The following TRO variants were observed in gnomAD, a reference collection of about 807,000 sequenced individuals.
TRO encodes the protein trophinin, also known as MAGE superfamily protein.
A neutral mutation model predicts 42.3 loss-of-function variants in TRO; 29 were observed. The ratio of observed to expected loss-of-function variants is 0.68; its 90% CI spans 0.51 to 0.93. TRO has a LOEUF of 0.93. TRO is among the 40% of genes least tolerant of loss of function. TRO has a pLI of 0.00. For synonymous variants in TRO, 384 were observed against 425.2 expected, an observed-to-expected ratio of 0.90 and a Z score of 1.19; for missense variants, 963 against 1,127.7, an observed-to-expected ratio of 0.85 and a Z score of 2.09.
In TRO at chrX:54,929,078, C is replaced by T. The variant is rs1326239805; in HGVS notation, c.2354C>T (p.Ser785Phe). The T allele has an allele frequency of 8.2e-7, 1 of 1,212,237 alleles. No homozygotes were observed. The highest frequency in any genetic ancestry group is 1.1e-6 in the Non-Finnish European group (1 of 895,616). ...TTTGGTGGTACACTGAGCACTAGCT[C>T]CAGCTTCAGCAGCGCAGCCAGCATT... ...ISFGGTLSTS[S>F]SFSSAASISF... The change falls in exon 12 of 13, where the codon TCC (serine) becomes TTC (phenylalanine). Residue 785 changes from serine (S) to phenylalanine (F), a missense_variant. Around this residue, in one of 2 missense-constraint regions of TRO, gnomAD observed 641 missense variants for 811.3 expected, o/e 0.79. Transcript: ENST00000173898.
At chrX:54,927,983 A>C (rs1416022493) in intron 11 of TRO, among the ~76,000 whole-genome samples, 1 of 112,905 alleles carries the variant, frequency 8.9e-6, no homozygotes, top group Non-Finnish European at 1.9e-5. Flanking sequence ...ATTAATCAGC[A>C]TGGGCTGCCA....
rs763563163 is a variant in TRO, at chrX:54,923,415, A to T, written c.883A>T (p.Ile295Phe). 12 of 1,198,829 alleles carry T rather than the reference A, an allele frequency of 1.0e-5. No homozygotes were observed. The highest frequency in any genetic ancestry group is 4.6e-4 in the Middle Eastern group (2 of 4,325). Residue 295 changes from isoleucine to phenylalanine, a missense_variant, in exon 3 of 13, where the codon ATC becomes TTC. Physicochemically the swap from Ile to Phe is conservative, Grantham distance 21. This residue lies in a region of TRO where 322 missense variants were observed against 316.5 expected (regional missense o/e 1.02). Coordinates refer to ENST00000173898, the MANE Select transcript of TRO (RefSeq NM_001039705.3). The part of the protein sequence containing the change: ...TRQIEASVVA[I>F]RPKKSKGKKA... ...GCAGATTGAGGCCTCAGTAGTGGCTATCAGGCCCAAAAAATCCAAGGGCAA... is the reference window on the plus strand; with the variant it reads ...GCAGATTGAGGCCTCAGTAGTGGCTTTCAGGCCCAAAAAATCCAAGGGCAA...
chrX:54,923,417 C>G lies in TRO; in HGVS notation c.885C>G (p.Ile295Met), dbSNP rs367828115. 7.5e-6 allele frequency: 9 copies of G among 1,197,366 alleles called. No homozygotes were observed. The African/African-American group carries it at 1.6e-4, about 21-fold the overall frequency. ...TRQIEASVVA[I>M]RPKKSKGKKA... ...AGATTGAGGCCTCAGTAGTGGCTAT[C>G]AGGCCCAAAAAATCCAAGGGCAAGA... The change falls in exon 3 of 13, where the codon ATC (isoleucine) becomes ATG (methionine). Residue 295 changes from isoleucine to methionine, a missense_variant. Transcript: ENST00000173898.
rs1223889154 is a variant in TRO at position 54,928,593 on chromosome X, C to T, written c.1879-10C>T. On this transcript the variant is annotated splice_polypyrimidine_tract_variant and intron_variant, in intron 11 of 12. Coordinates refer to ENST00000173898, the MANE Select transcript of TRO (RefSeq NM_001039705.3). ...TTGTTTTCTTATTATGATTATCATC[C>T]CCATTTCAGGTGCAGAAGAAAGACC... 1.1e-5 allele frequency: 12 copies of T among 1,139,065 alleles called. No homozygotes were observed. The highest frequency in any genetic ancestry group is 4.4e-5 in the South Asian group (2 of 45,761). 93.9% of individuals were successfully genotyped at this position (1,139,065 alleles called of 1,213,427 possible).
At position 54,927,112 on chromosome X, in the gene TRO, G is replaced by C; in HGVS notation, c.1763+7G>C. 8.3e-7 allele frequency: 1 copy of C among 1,211,287 alleles called. No homozygotes were observed. On this transcript the variant is annotated splice_region_variant and intron_variant, in intron 10 of 12. Transcript: ENST00000173898. ...ACGAGTTTGTGAAGCAGAAGTAAGTGGTGTTTGGGGCTTTGTCTGGCCCTG... is the reference window on the plus strand; with the variant it reads ...ACGAGTTTGTGAAGCAGAAGTAAGTCGTGTTTGGGGCTTTGTCTGGCCCTG...
At position 54,930,137 on chromosome X, in the gene TRO, G is replaced by A. The variant is rs375009132; in HGVS notation, c.3413G>A (p.Ser1138Asn). Residue 1138 changes from serine to asparagine, a missense_variant, in exon 12 of 13, where the codon AGC (serine) becomes AAC (asparagine). Transcript: ENST00000173898. ...GGTGCTGCTCCCAGCACCAGTGTCA[G>A]CTTTGGTGGTGCTCATGGCACCAGC... Reference protein sequence around the residue: ...GFGAAPSTSVSFGGAHGTSLC... With the variant: ...GFGAAPSTSVNFGGAHGTSLC... 98 of 1,210,248 alleles carry A rather than the reference G, an allele frequency of 8.1e-5. No individual in the cohort carries two copies. Among genetic ancestry groups the A allele is most frequent in the Admixed American group, 2.4e-4 (11 of 45,923 alleles).
rs773140897 is a variant in TRO, at chrX:54,930,025, G to A, written c.3301G>A (p.Gly1101Ser). The A allele has an allele frequency of 4.1e-6, 5 of 1,211,805 alleles. No individual in the cohort carries two copies. The highest frequency in any genetic ancestry group is 1.8e-5 in the South Asian group (1 of 57,004). The change falls in exon 12 of 13, where the codon GGT becomes AGT. Residue 1101 changes from glycine to serine, a missense_variant. By Grantham distance (56) the Gly-to-Ser change is moderately conservative. This residue lies in a region of TRO where 641 missense variants were observed against 811.3 expected (regional missense o/e 0.79). Coordinates refer to ENST00000173898, the MANE Select transcript of TRO (RefSeq NM_001039705.3). ...GAPITNPGFG[G>S]AFSTSAGFGG... ...ACCAATCACCAACCCTGGCTTTGGC[G>A]GTGCATTTAGCACCAGTGCTGGCTT... is the stretch of plus-strand genomic sequence containing the variant.
Position 54,930,938 on chromosome X carries a change from G to C in TRO, c.4214G>C (p.Gly1405Ala). Residue 1405 changes from glycine (G) to alanine (A), a missense_variant, in exon 12 of 13, where the codon GGC (glycine) becomes GCC (alanine). Physicochemically the swap from Gly to Ala is moderately conservative, Grantham distance 60. This residue lies in a region of TRO where 641 missense variants were observed against 811.3 expected (regional missense o/e 0.79). Transcript: ENST00000173898. The stretch of plus-strand genomic sequence containing the variant: ...GGCGGTGGACCAAACACTGGTGCTG[G>C]CTTTGGTGGTGGACCGAGCACCAGT... Reference protein sequence around the residue: ...GFGGGPNTGAGFGGGPSTSAG... With the variant: ...GFGGGPNTGAAFGGGPSTSAG... 8.3e-7 allele frequency: 1 copy of C among 1,210,689 alleles called. No homozygotes were observed. The highest frequency in any genetic ancestry group is 1.7e-5 in the African/African-American group (1 of 57,825).
Position 54,926,604 on chromosome X carries a change from G to A in TRO, c.1679G>A (p.Arg560His), listed in dbSNP as rs372286748. Residue 560 changes from arginine to histidine, a missense_variant, in exon 9 of 13, where the codon CGC becomes CAC. Arg to His is a conservative substitution (Grantham distance 29). Transcript: ENST00000173898. ...ASEAVIWEVLRKLGLRPGVRH... is the reference protein window; with the variant it reads ...ASEAVIWEVLHKLGLRPGVRH... ...ACAGCTGTCATCTGGGAGGTGCTGC[G>A]CAAGTTGGGGCTGCGCCCTGGGTAT... is the stretch of plus-strand genomic sequence containing the variant. 45 of 1,210,093 alleles carry A rather than the reference G, an allele frequency of 3.7e-5. No homozygotes were observed. Among genetic ancestry groups the A allele is most frequent in the Admixed American group, 2.8e-4 (13 of 45,821 alleles).
chrX:54,929,555 G>A lies in TRO; in HGVS notation c.2831G>A (p.Ser944Asn), dbSNP rs200016772. Residue 944 changes from serine to asparagine, a missense_variant, in exon 12 of 13, where the codon AGC becomes AAC. By Grantham distance (46) the Ser-to-Asn change is conservative. Around this residue, in one of 2 missense-constraint regions of TRO, gnomAD observed 641 missense variants for 811.3 expected, o/e 0.79. Transcript: ENST00000173898. ...AGTGTCTCCTTTGGTGGCTCTTCCA[G>A]CACCAGTGCCAATTTTGGTGGTACA... is the stretch of plus-strand genomic sequence containing the variant. ...STSVSFGGSS[S>N]TSANFGGTLS... 8.2e-7 allele frequency: 1 copy of A among 1,212,178 alleles called. No homozygotes were observed. The highest frequency in any genetic ancestry group is 2.2e-5 in the Admixed American group (1 of 46,130).
chrX:54,921,908 A>C, intron 1 of TRO: 1 of 213,521 alleles, frequency 4.7e-6, no homozygotes, highest in Non-Finnish European at 8.4e-6. Context: ...GAGGGCATTG[A>C]AGAATGGTTC....
Position 54,922,283 on chromosome X carries a change from C to G in TRO, c.37C>G (p.Leu13Val). Reference sequence around the variant, plus strand: ...AAATGACTACGGATATAGGGTGCCTCTATTTCAGGTGAGGCCTCTCTGCAT... The same window carrying G: ...AAATGACTACGGATATAGGGTGCCTGTATTTCAGGTGAGGCCTCTCTGCAT... ...RRNDYGYRVP[L>V]FQGPLPPPGS... The change falls in exon 2 of 13, where the codon CTA becomes GTA. Residue 13 changes from leucine to valine, a missense_variant. By Grantham distance (32) the Leu-to-Val change is conservative. Around this residue, in one of 2 missense-constraint regions of TRO, gnomAD observed 322 missense variants for 316.5 expected, o/e 1.02. Coordinates refer to ENST00000173898, the MANE Select transcript of TRO (RefSeq NM_001039705.3). 1 of 1,208,997 alleles carries G rather than the reference C, an allele frequency of 8.3e-7. No individual in the cohort carries two copies. The highest frequency in any genetic ancestry group is 1.1e-6 in the Non-Finnish European group (1 of 894,319).
At position 54,927,651 on chromosome X, in the gene TRO, A is replaced by G. The variant is rs1404240895; in HGVS notation, c.1764-16A>G. The stretch of plus-strand genomic sequence containing the variant: ...GGTTGCTTGGTTAGAAACAAGTTTC[A>G]TTTCCTTTTTCCAAGGTACCTGGAG... On this transcript the variant is annotated splice_polypyrimidine_tract_variant and intron_variant, in intron 10 of 12. Transcript: ENST00000173898. The G allele has an allele frequency of 8.4e-7, 1 of 1,189,877 alleles. No homozygotes were observed. The highest frequency in any genetic ancestry group is 1.8e-5 in the South Asian group (1 of 55,320).
rs186387731 is a variant in TRO at position 54,926,898 on chromosome X, T to A, written c.1701-145T>A. ...GAGGCATCTGGTCTTAACTGCTTGC[T>A]TCTAGTGGCCATGTGCTCATTACTT... On this transcript the variant is annotated intron_variant, in intron 9 of 12. Coordinates refer to ENST00000173898, the MANE Select transcript of TRO (RefSeq NM_001039705.3). 4.3e-6 allele frequency: 3 copies of A among 698,405 alleles called. No individual in the cohort carries two copies. In the East Asian group the frequency reaches 1.0e-4, roughly 24 times the overall value. 57.6% of individuals were successfully genotyped at this position (698,405 alleles called of 1,213,427 possible). A position where few individuals can be genotyped will look rare whatever the true frequency, so the allele number is the denominator to read the frequency against.
rs774527485 is a variant in TRO at position 54,923,707 on chromosome X, A to T, written c.1175A>T (p.Asp392Val). ...GCTGCTGTCCAGGCCCTGGCAGATG[A>T]CTATCTGGCTCAGTTGAGCCTGGAG... Reference protein sequence around the residue: ...VAAAVQALADDYLAQLSLEPT... With the variant: ...VAAAVQALADVYLAQLSLEPT... The change falls in exon 3 of 13, where the codon GAC becomes GTC. Residue 392 changes from aspartate to valine, a missense_variant. Asp to Val is a radical substitution (Grantham distance 152, BLOSUM62 -3). This residue lies in a region of TRO where 322 missense variants were observed against 316.5 expected (regional missense o/e 1.02). Coordinates refer to ENST00000173898, the MANE Select transcript of TRO (RefSeq NM_001039705.3). The T allele has an allele frequency of 8.3e-7, 1 of 1,211,238 alleles. No homozygotes were observed. The highest frequency in any genetic ancestry group is 1.1e-6 in the Non-Finnish European group (1 of 895,145).
At chrX:54,928,192 C>T (rs928055629) in intron 11 of TRO, among the ~76,000 whole-genome samples, 2 of 111,564 alleles carry the variant, frequency 1.8e-5, no homozygotes, top group Non-Finnish European at 3.8e-5. Flanking sequence ...TTTCTGGTGT[C>T]TCTTCTTATA....
Position 54,929,151 on chromosome X carries a change from C to T in TRO, c.2427C>T (p.Ala809=). 2 of 1,212,333 alleles carry T rather than the reference C, an allele frequency of 1.6e-6. No homozygotes were observed. The highest frequency in any genetic ancestry group is 3.5e-5 in the South Asian group (2 of 57,037). Residue 809 remains alanine (A), a synonymous_variant, in exon 12 of 13, where the codon GCC becomes GCT. Coordinates refer to ENST00000173898, the MANE Select transcript of TRO (RefSeq NM_001039705.3). ...CCAGCACTAGTTTCAGCAGTGAAGC[C>T]AGCATTAGCTTTGGTGGCATGCCTT... The part of the protein sequence containing the change: ...HSTSTSFSSE[A]SISFGGMPCT...
rs1203897931 is a variant in TRO, at chrX:54,929,016, C to T, written c.2292C>T (p.Ser764=). The T allele has an allele frequency of 6.6e-6, 8 of 1,211,215 alleles. No individual in the cohort carries two copies. The highest frequency in any genetic ancestry group is 8.9e-6 in the Non-Finnish European group (8 of 895,514). Residue 764 remains serine, a synonymous_variant, in exon 12 of 13, where the codon AGC becomes AGT. Transcript: ENST00000173898. ...GPGITFGVAP[S]TSASFSNTAS... ...GCATTACCTTTGGTGTTGCACCCAG[C>T]ACCAGTGCCAGCTTCAGCAATACAG...
intron 7 of TRO, among the ~76,000 whole-genome samples, chrX:54,926,067 G>A (rs755422628): frequency 3.9e-4 from 44 of 112,368 alleles, no homozygotes; most frequent in Non-Finnish European, 6.9e-4. Context: ...TGTCAGTGGG[G>A]CTGAAGGTTC....
Sources: allele counts gnomAD v4.1 joint callset (sites outside exome capture counted in the v4.1 genomes callset), GRCh38; gene constraint gnomAD v4.1.1; regional missense constraint gnomAD v4.1.1; transcripts MANE v1.5; gene names NCBI Gene and HGNC (gene_info 2026-07-23, HGNC 2026-07-21).